Variants in CMSS1 observed in about 807,000 individuals in gnomAD.
The protein encoded by CMSS1 is protein CMSS1.
In CMSS1, 33 loss-of-function variants were observed where a neutral mutation model predicts 43.5. The ratio of observed to expected loss-of-function variants is 0.76; its 90% CI spans 0.57 to 1.01. CMSS1 has a LOEUF of 1.01. CMSS1 is among the 50% of genes least tolerant of loss of function. CMSS1 has a pLI of 0.00. For synonymous variants in CMSS1, 115 were observed against 117.2 expected (o/e 0.98, Z 0.12); for missense variants, 313 against 326.4 (o/e 0.96, Z 0.32).
chr3:99,916,584 A>T (rs1363371361), intron 1 of CMSS1, among the ~76,000 whole-genome samples: 4 of 152,144 alleles, frequency 2.6e-5, no homozygotes, highest in Non-Finnish European at 5.9e-5. Flanking sequence ...TGTGCATTAT[A>T]TAATTAGTAA....
chr3:99,894,094 G>A (rs530568351), intron 1 of CMSS1, among the ~76,000 whole-genome samples: 10 of 152,260 alleles, frequency 6.6e-5, no homozygotes, highest in African/African-American at 2.4e-4. Flanking sequence ...GATACTCAAA[G>A]TTTTTTTGTG....
At chr3:99,840,297 C>T (rs748718222) in intron 1 of CMSS1, among the ~76,000 whole-genome samples, 4 of 131,022 alleles carry the variant, frequency 3.1e-5, no homozygotes, top group Non-Finnish European at 6.1e-5. Flanking sequence ...GATCTCAGAT[C>T]ACTGCAACCT....
At chr3:99,849,317 C>T in intron 1 of CMSS1, 1 of 1,614,158 alleles carries the variant, frequency 6.2e-7, no homozygotes, top group African/African-American at 1.3e-5. Context: ...ATTCTTCTTC[C>T]ATTGAGACTA....
intron 1 of CMSS1, among the ~76,000 whole-genome samples, chr3:100,011,410 CTTAATAA>C (rs1419381619): frequency 2.0e-5 from 3 of 152,098 alleles, no homozygotes; most frequent in Non-Finnish European, 4.4e-5. Context: ...TAGAGACTAA[CTTAATAA>C]AAAGATATAA....
intron 1 of CMSS1, among the ~76,000 whole-genome samples, chr3:99,918,821 A>C (rs1002864421): frequency 2.0e-5 from 3 of 152,208 alleles, no homozygotes; most frequent in Non-Finnish European, 2.9e-5. Context: ...ATTTGTTTGC[A>C]GTGGATCTCC....
At chr3:100,137,555 A>G (rs2107504140) in intron 1 of CMSS1, among the ~76,000 whole-genome samples, 1 of 152,068 alleles carries the variant, frequency 6.6e-6, no homozygotes, top group Non-Finnish European at 1.5e-5. Context: ...AAAATTCATA[A>G]GCATGTAACT....
chr3:99,845,343 G>A (rs1287366477), intron 1 of CMSS1, among the ~76,000 whole-genome samples: 2 of 152,164 alleles, frequency 1.3e-5, no homozygotes, highest in African/African-American at 4.8e-5. Context: ...GAGTTAAAGA[G>A]ATAGTGGGAA....
chr3:99,834,440 A>G (rs1407661448), intron 1 of CMSS1, among the ~76,000 whole-genome samples: 2 of 152,216 alleles, frequency 1.3e-5, no homozygotes, highest in African/African-American at 4.8e-5. Flanking sequence ...TGGAAATTAT[A>G]CAGTCAGCAG....
chr3:100,006,459 AGTGCTT>A (rs1474646875), intron 1 of CMSS1, among the ~76,000 whole-genome samples: 3 of 152,008 alleles, frequency 2.0e-5, no homozygotes, highest in Non-Finnish European at 4.4e-5. Context: ...CCTATCTTTC[AGTGCTT>A]TTCATGAGGT....
intron 1 of CMSS1, among the ~76,000 whole-genome samples, chr3:99,947,726 T>G (rs1433774292): frequency 1.3e-5 from 2 of 152,336 alleles, no homozygotes; most frequent in African/African-American, 4.8e-5. Context: ...TTTGAATACT[T>G]TTAATAAGGT....
At chr3:99,959,322 G>A (rs1489240869) in intron 1 of CMSS1, among the ~76,000 whole-genome samples, 1 of 152,126 alleles carries the variant, frequency 6.6e-6, no homozygotes, top group Non-Finnish European at 1.5e-5. Context: ...GCTAATTTTT[G>A]TATTTTTAGC....
At chr3:100,000,289 T>C (rs1709805816) in intron 1 of CMSS1, among the ~76,000 whole-genome samples, 1 of 152,240 alleles carries the variant, frequency 6.6e-6, no homozygotes, top group South Asian at 2.1e-4. Context: ...GCCTCCTCTA[T>C]CACCTTGTCC....
At chr3:100,152,499 G>A (rs1337636224) in intron 2 of CMSS1, among the ~76,000 whole-genome samples, 1 of 152,132 alleles carries the variant, frequency 6.6e-6, no homozygotes, top group African/African-American at 2.4e-5. Flanking sequence ...CCTAGAGGCA[G>A]CTTGTTTAAA....
intron 1 of CMSS1, among the ~76,000 whole-genome samples, chr3:99,956,311 G>A (rs1473113704): frequency 6.6e-6 from 1 of 152,014 alleles, no homozygotes; most frequent in African/African-American, 2.4e-5. Flanking sequence ...TCCTGTCTTT[G>A]GAAGTATTGC....
intron 1 of CMSS1, among the ~76,000 whole-genome samples, chr3:100,059,396 C>T (rs2065520687): frequency 6.6e-6 from 1 of 152,220 alleles, no homozygotes; most frequent in Admixed American, 6.5e-5. Flanking sequence ...CTTTTAGCCT[C>T]ATCTCCGTGA....
chr3:100,059,920 G>T (rs1227941455), intron 1 of CMSS1, among the ~76,000 whole-genome samples: 1 of 152,144 alleles, frequency 6.6e-6, no homozygotes, highest in Non-Finnish European at 1.5e-5. Context: ...TGAGCCTCCA[G>T]TCTGGGGAGT....
intron 1 of CMSS1, among the ~76,000 whole-genome samples, chr3:99,857,834 A>G (rs1402299510): frequency 6.6e-6 from 1 of 152,218 alleles, no homozygotes; most frequent in East Asian, 1.9e-4. Flanking sequence ...TATGTTCACT[A>G]TGTAAATCTT....
At chr3:99,850,445 T>C in intron 1 of CMSS1, 1 of 1,614,130 alleles carries the variant, frequency 6.2e-7, no homozygotes. Context: ...TTAAAGTCTT[T>C]ACTCTGTAAC....
In CMSS1 at chr3:100,180,131, C is replaced by T. The variant is rs1259874318; in HGVS notation, c.*1743C>T. 2.2e-5 allele frequency: 3 copies of T among 138,964 alleles called. No individual in the cohort carries two copies. Among genetic ancestry groups the T allele is most frequent in the Admixed American group, 1.5e-4 (2 of 13,666 alleles). 8.6% of individuals were successfully genotyped at this position (138,964 alleles called of 1,614,324 possible). On this transcript the variant is annotated 3_prime_UTR_variant, in exon 10 of 10. Coordinates refer to ENST00000421999, the MANE Select transcript of CMSS1 (RefSeq NM_032359.4). ...CTGCACAGAGCAGCTGGGCCCAGGG[C>T]CTAGCCCACGAAACCATTTTTTTCC...
Sources: gnomAD v4.1 joint callset for allele counts (sites outside exome capture counted in the v4.1 genomes callset) on GRCh38, gnomAD v4.1.1 for gene constraint, MANE v1.5 for transcripts, NCBI Gene and HGNC (gene_info 2026-07-23, HGNC 2026-07-21) for gene names.